Variants in C9orf85 observed in about 807,000 individuals in gnomAD.
C9orf85 encodes the protein uncharacterized protein C9orf85.
Under a neutral mutation model 14.9 loss-of-function variants are expected in C9orf85, and 16 were observed. The ratio of observed to expected loss-of-function variants is 1.08; its 90% CI spans 0.73 to 1.63. The LOEUF (loss-of-function observed/expected upper bound fraction) is 1.63. Ranked by LOEUF, C9orf85 falls within the 40% of genes most tolerant of loss-of-function variation. The pLI, the probability that C9orf85 is intolerant of heterozygous loss-of-function variation, is 0.00. For missense variants in C9orf85, 172 were observed against 186.1 expected, an observed-to-expected ratio of 0.92 and a Z score of 0.44; for synonymous variants, 45 against 56.8, an observed-to-expected ratio of 0.79 and a Z score of 0.93.
intron 1 of C9orf85, among the ~76,000 whole-genome samples, chr9:71,940,256 T>C (rs1197933055): frequency 1.3e-5 from 2 of 151,824 alleles, no homozygotes; most frequent in Non-Finnish European, 1.5e-5. Context: ...AAGATTTGAA[T>C]AGACACTTAA....
At chr9:71,934,729 G>A (rs1237540648) in intron 1 of C9orf85, among the ~76,000 whole-genome samples, 2 of 152,084 alleles carry the variant, frequency 1.3e-5, no homozygotes, top group Admixed American at 1.3e-4. Flanking sequence ...AGCTAGGCAG[G>A]TGTGGTGCCT....
At chr9:71,956,339 T>G (rs1486810179) in intron 2 of C9orf85, among the ~76,000 whole-genome samples, 1 of 132,924 alleles carries the variant, frequency 7.5e-6, no homozygotes, top group Non-Finnish European at 1.6e-5. Context: ...AACCTCCACC[T>G]CCCAGGTTCA....
chr9:71,926,509 G>C (rs1224909237), intron 1 of C9orf85, among the ~76,000 whole-genome samples: 1 of 151,768 alleles, frequency 6.6e-6, no homozygotes, highest in African/African-American at 2.4e-5. Flanking sequence ...CCCATGCCCA[G>C]TTAAGAGAGG....
chr9:71,977,672 C>T (rs141058536), downstream of C9orf85, among the ~76,000 whole-genome samples: 797 of 152,168 alleles, frequency 5.2e-3, 4 homozygotes, highest in Middle Eastern at 0.027. Flanking sequence ...TTCCTTTTAC[C>T]CCTCTTTCTA....
chr9:71,943,572 C>T (rs1353327015), intron 1 of C9orf85, among the ~76,000 whole-genome samples: 4 of 150,478 alleles, frequency 2.7e-5, no homozygotes, highest in African/African-American at 4.9e-5. Flanking sequence ...GAAGGAGTTT[C>T]GCTCTTGTTG....
intron 1 of C9orf85, among the ~76,000 whole-genome samples, chr9:71,940,983 G>A (rs1401382820): frequency 1.3e-5 from 2 of 152,136 alleles, no homozygotes; most frequent in Non-Finnish European, 2.9e-5. Flanking sequence ...TTATTACCTG[G>A]GAGGTAGTAG....
In C9orf85 at chr9:71,971,580, T is replaced by A; in HGVS notation, c.285T>A (p.Val95=). The change falls in exon 3 of 4, where the codon GTT becomes GTA. Residue 95 remains valine, a synonymous_variant. Coordinates refer to ENST00000334731, the MANE Select transcript of C9orf85 (RefSeq NM_182505.5). ...MCRPCACELE[V]CAKCGKKEDI... ...GGCCATGTGCCTGTGAACTTGAAGT[T>A]TGCGCAAAATGTGGAAAGAAAGAAG... The A allele has an allele frequency of 1.2e-6, 2 of 1,612,018 alleles. No individual in the cohort carries two copies. Among genetic ancestry groups the A allele is most frequent in the South Asian group, 2.2e-5 (2 of 90,920 alleles).
intron 1 of C9orf85, among the ~76,000 whole-genome samples, chr9:71,939,954 G>A (rs1828288925): frequency 5.9e-5 from 9 of 152,118 alleles, no homozygotes; most frequent in Admixed American, 5.9e-4. Context: ...TAGACTAAAT[G>A]TAAAATGTAA....
intron 1 of C9orf85, 113 bp downstream of exon 1, chr9:71,911,949 GT>G: frequency 1.1e-6 from 1 of 910,530 alleles, no homozygotes; most frequent in Non-Finnish European, 1.8e-6. Context: ...GCAGCCCAGA[GT>G]TAGTCTTGGC....
chr9:71,935,843 C>T (rs1421753524), intron 1 of C9orf85, among the ~76,000 whole-genome samples: 1 of 151,842 alleles, frequency 6.6e-6, no homozygotes, highest in Non-Finnish European at 1.5e-5. Flanking sequence ...TAATACCACT[C>T]AACTATACAC....
intron 1 of C9orf85, among the ~76,000 whole-genome samples, chr9:71,928,252 A>G (rs889065357): frequency 4.0e-5 from 6 of 150,566 alleles, no homozygotes; most frequent in Non-Finnish European, 8.8e-5. Flanking sequence ...CGAGCTGTCA[A>G]TTAGCCCTGT....
intron 1 of C9orf85, among the ~76,000 whole-genome samples, chr9:71,930,314 C>G (rs1180118906): frequency 6.6e-6 from 1 of 151,994 alleles, no homozygotes; most frequent in Non-Finnish European, 1.5e-5. Context: ...ACTAGAAGAT[C>G]TGAGAAGATA....
At chr9:71,956,284 CTT>C (rs1052259574) in intron 2 of C9orf85, among the ~76,000 whole-genome samples, 4 of 103,456 alleles carry the variant, frequency 3.9e-5, no homozygotes, top group East Asian at 3.1e-4. Flanking sequence ...GAATTTCGCT[CTT>C]GTTGCCCAGG....
downstream of C9orf85, among the ~76,000 whole-genome samples, chr9:71,976,849 C>G (rs1823011450): frequency 1.3e-5 from 2 of 152,072 alleles, no homozygotes; most frequent in Non-Finnish European, 2.9e-5. Flanking sequence ...TATAGTACCC[C>G]CGTTGTCCCG....
At chr9:71,967,271 A>G (rs1272306691) in intron 2 of C9orf85, among the ~76,000 whole-genome samples, 2 of 152,148 alleles carry the variant, frequency 1.3e-5, no homozygotes, top group African/African-American at 4.8e-5. Flanking sequence ...TTGTTTGTTG[A>G]AAAGACTGTC....
chr9:71,912,971 CAG>C (rs1554705246), intron 1 of C9orf85, among the ~76,000 whole-genome samples: 1 of 152,100 alleles, frequency 6.6e-6, no homozygotes, highest in African/African-American at 2.4e-5. Flanking sequence ...TCATTGACAA[CAG>C]GGGCATATTA....
At chr9:71,976,479 G>A (rs1256684101), downstream of C9orf85, among the ~76,000 whole-genome samples, 1 of 152,070 alleles carries the variant, frequency 6.6e-6, no homozygotes. Context: ...TGGCTAACGT[G>A]GTGAAACCCC....
At chr9:71,985,642 A>G (rs1486219423), downstream of C9orf85, 1 of 152,206 alleles carries the variant, frequency 6.6e-6, no homozygotes, top group East Asian at 1.9e-4. Context: ...TAACCTACCA[A>G]TCCTGGCCTC....
At chr9:71,972,296 G>T (rs1353687040) in intron 3 of C9orf85, among the ~76,000 whole-genome samples, 2 of 151,550 alleles carry the variant, frequency 1.3e-5, no homozygotes, top group Admixed American at 1.3e-4. Context: ...TTTCGCTCTT[G>T]TTGTCCAGGC....
Sources: allele counts gnomAD v4.1 joint callset (sites outside exome capture counted in the v4.1 genomes callset), GRCh38; gene constraint gnomAD v4.1.1; transcripts MANE v1.5; gene names NCBI Gene and HGNC (gene_info 2026-07-23, HGNC 2026-07-21).